Variants in SNAP91 observed in about 807,000 individuals in gnomAD.
SNAP91 encodes clathrin coat assembly protein AP180.
Under a neutral mutation model 100.3 loss-of-function variants are expected in SNAP91, and 27 were observed. The observed-to-expected ratio is 0.27, with a 90% confidence interval of 0.20 to 0.37. SNAP91 has a LOEUF of 0.37. Ranked by LOEUF, SNAP91 falls within the 10% of genes least tolerant of loss-of-function variation. The probability of loss-of-function intolerance (pLI) is 1.00; values close to 1 mark genes in which losing one functional copy is unlikely to be tolerated. For missense variants in SNAP91, 986 were observed against 1,123.7 expected (o/e 0.88, Z 1.75); for synonymous variants, 404 against 398.6 (o/e 1.01, Z -0.16).
chr6:83,572,560 T>C (rs772767297), intron 26 of SNAP91, among the ~76,000 whole-genome samples: 31 of 152,068 alleles, frequency 2.0e-4, no homozygotes, highest in Non-Finnish European at 3.5e-4. Flanking sequence ...CCAACTTTTT[T>C]TTTCCTTTTT....
At chr6:83,609,305 A>G (rs1362265308) in intron 12 of SNAP91, among the ~76,000 whole-genome samples, 1 of 152,200 alleles carries the variant, frequency 6.6e-6, no homozygotes, top group Admixed American at 6.5e-5. Flanking sequence ...AGACCAACCC[A>G]AAGGATGCCA....
intron 2 of SNAP91, among the ~76,000 whole-genome samples, chr6:83,694,276 C>T (rs549966916): frequency 6.6e-6 from 1 of 152,252 alleles, no homozygotes; most frequent in African/African-American, 2.4e-5. Context: ...GATATTTAGG[C>T]CTGGACCTAC....
At chr6:83,580,417 TTAAA>T (rs1826398277) in intron 24 of SNAP91, 29 bp downstream of exon 24, 2 of 1,432,220 alleles carry the variant, frequency 1.4e-6, no homozygotes, top group Non-Finnish European at 1.8e-6. Flanking sequence ...TATGCTTCAG[TTAAA>T]GAAAAAAAAA....
intron 29 of SNAP91, among the ~76,000 whole-genome samples, chr6:83,555,223 G>GAAA (rs11446161): frequency 6.7e-6 from 1 of 148,436 alleles, no homozygotes; most frequent in Non-Finnish European, 1.5e-5. Flanking sequence ...TCTTGTATAA[G>GAAA]AAAAAAAAAA....
intron 7 of SNAP91, among the ~76,000 whole-genome samples, chr6:83,653,493 G>T (rs1459682114): frequency 6.6e-6 from 1 of 152,022 alleles, no homozygotes; most frequent in Non-Finnish European, 1.5e-5. Flanking sequence ...CCATCTCTCT[G>T]CTTACATTGC....
chr6:83,592,836 T>C (rs1182018887), intron 20 of SNAP91, 110 bp downstream of exon 20: 6 of 840,884 alleles, frequency 7.1e-6, no homozygotes, highest in Non-Finnish European at 1.1e-5. Context: ...TCTTTTGAAG[T>C]ACATTTTAAA....
intron 2 of SNAP91, among the ~76,000 whole-genome samples, chr6:83,682,303 A>G (rs2099001053): frequency 6.6e-6 from 1 of 151,128 alleles, no homozygotes; most frequent in South Asian, 2.1e-4. Flanking sequence ...TTAGCTTCCA[A>G]CTGAGTAGCT....
At chr6:83,623,462 A>T in intron 8 of SNAP91, 120 bp from the exon 9 acceptor site, 3 of 702,652 alleles carry the variant, frequency 4.3e-6, no homozygotes, top group Non-Finnish European at 7.5e-6. Flanking sequence ...GAATTATTTT[A>T]TGTATCACTC....
chr6:83,633,507 G>A (rs933478020), intron 8 of SNAP91, among the ~76,000 whole-genome samples: 4 of 152,124 alleles, frequency 2.6e-5, no homozygotes, highest in Admixed American at 2.0e-4. Context: ...CAAGGGCAGG[G>A]CTAGGCATGT....
At chr6:83,583,006 T>C (rs1830578426) in intron 22 of SNAP91, among the ~76,000 whole-genome samples, 1 of 152,176 alleles carries the variant, frequency 6.6e-6, no homozygotes, top group African/African-American at 2.4e-5. Flanking sequence ...AAATCTTCTA[T>C]CAGCTTCCCA....
At chr6:83,614,428 T>C (rs1195628260) in intron 11 of SNAP91, among the ~76,000 whole-genome samples, 1 of 152,160 alleles carries the variant, frequency 6.6e-6, no homozygotes, top group African/African-American at 2.4e-5. Context: ...AATTTATGTA[T>C]ATACTTGGTT....
At chr6:83,663,071 G>A (rs2098593848) in intron 3 of SNAP91, among the ~76,000 whole-genome samples, 1 of 152,042 alleles carries the variant, frequency 6.6e-6, no homozygotes, top group African/African-American at 2.4e-5. Flanking sequence ...TAATTGTTCT[G>A]AGTTGCCATG....
chr6:83,578,412 G>C (rs1286888986), intron 24 of SNAP91, among the ~76,000 whole-genome samples: 1 of 151,900 alleles, frequency 6.6e-6, no homozygotes, highest in African/African-American at 2.4e-5. Flanking sequence ...CATCCTATTG[G>C]GTATAAAGTG....
chr6:83,624,865 C>T lies in SNAP91; in HGVS notation c.766-1523G>A, dbSNP rs73484902. Among the ~76,000 whole-genome samples, 538 of 152,166 alleles carry T rather than the reference C, an allele frequency of 3.5e-3. 3 individuals carry two copies. Among genetic ancestry groups the T allele is most frequent in the African/African-American group, 0.012 (512 of 41,528 alleles). On this transcript the variant is annotated intron_variant, in intron 8 of 29. Coordinates refer to ENST00000369694, the MANE Select transcript of SNAP91 (RefSeq NM_001242792.2). ...CCAGACTTTACTTTTTCTGCAACTA[C>T]CAAATATTATTATTTCTTTTTAAAA...
At chr6:83,608,820 T>TTA (rs2095813502) in intron 12 of SNAP91, among the ~76,000 whole-genome samples, 1 of 152,150 alleles carries the variant, frequency 6.6e-6, no homozygotes, top group South Asian at 2.1e-4. Flanking sequence ...TGCCAAGCAT[T>TTA]TAGCACTTCA....
chr6:83,654,900 A>T (rs2098350366), intron 7 of SNAP91, among the ~76,000 whole-genome samples: 1 of 152,196 alleles, frequency 6.6e-6, no homozygotes, highest in African/African-American at 2.4e-5. Context: ...GTAATGATTT[A>T]TCTCTACCTC....
At chr6:83,577,175 G>A (rs190753727) in intron 24 of SNAP91, among the ~76,000 whole-genome samples, 32 of 152,228 alleles carry the variant, frequency 2.1e-4, no homozygotes, top group African/African-American at 7.5e-4. Context: ...CAGAGTCTGG[G>A]TGAGAGCTTT....
chr6:83,690,342 TCTC>T (rs2099115250), intron 2 of SNAP91: 1 of 1,276,662 alleles, frequency 7.8e-7, no homozygotes, highest in Admixed American at 2.4e-5. Flanking sequence ...AGACTTGTGA[TCTC>T]CTCATACTTT....
intron 22 of SNAP91, among the ~76,000 whole-genome samples, chr6:83,586,080 C>T (rs1217770795): frequency 6.6e-6 from 1 of 152,064 alleles, no homozygotes; most frequent in African/African-American, 2.4e-5. Context: ...GATCTCCTGA[C>T]CTTGTGATCT....
Sources: allele counts gnomAD v4.1 joint callset (sites outside exome capture counted in the v4.1 genomes callset), GRCh38; gene constraint gnomAD v4.1.1; transcripts MANE v1.5; gene names NCBI Gene and HGNC (gene_info 2026-07-23, HGNC 2026-07-21).